ATF7: variants seen among roughly 807,000 people sequenced by gnomAD.
ATF7 encodes the protein activating transcription factor 7.
ATF7 carries 10 observed loss-of-function variants against 50.4 expected under a neutral mutation model. That is an observed-to-expected ratio of 0.20 (90% CI 0.12 to 0.34). ATF7 has a LOEUF of 0.34. Among genes scored for constraint, ATF7 ranks in the 10% least tolerant of loss-of-function variants. The probability of loss-of-function intolerance (pLI) is 1.00; values close to 1 mark genes in which losing one functional copy is unlikely to be tolerated. For synonymous variants in ATF7, 201 were observed against 226.4 expected, an observed-to-expected ratio of 0.89 and a Z score of 1.01; for missense variants, 465 against 613.9, an observed-to-expected ratio of 0.76 and a Z score of 2.56.
At chr12:53,582,763 G>T (rs1183836264) in intron 2 of ATF7, among the ~76,000 whole-genome samples, 1 of 151,918 alleles carries the variant, frequency 6.6e-6, no homozygotes, top group East Asian at 1.9e-4. Context: ...TATTAGCCGG[G>T]ATTAGTAGAG....
At position 53,575,407 on chromosome 12, in the gene ATF7, T is replaced by TAA. The variant is rs554041037; in HGVS notation, c.49-22772_49-22771dup. On this transcript the variant is annotated intron_variant, in intron 2 of 11. Transcript: ENST00000420353. ...GGGCAACAAGAGCAAAACTCTGTCTTAAAAAAAAAAAAAAAAAAAATTAGC... is the reference window on the plus strand; with the variant it reads ...GGGCAACAAGAGCAAAACTCTGTCTTAAAAAAAAAAAAAAAAAAAAAATTAGC... Among the ~76,000 whole-genome samples, 262 of 121,778 alleles carry TAA rather than the reference T, an allele frequency of 2.2e-3. 3 individuals carry two copies. The highest frequency in any genetic ancestry group is 7.0e-3 in the African/African-American group (228 of 32,490). The allele number at this position is 121,778 out of a possible 152,430, so 79.9% of individuals were successfully genotyped here.
chr12:53,588,295 G>A (rs994052528), intron 2 of ATF7, among the ~76,000 whole-genome samples: 7 of 152,186 alleles, frequency 4.6e-5, no homozygotes, highest in African/African-American at 1.7e-4. Flanking sequence ...AAAAGCAGAT[G>A]TGTAGAGGTG....
chr12:53,598,907 T>A lies in ATF7; in HGVS notation c.48+2046A>T, dbSNP rs531954397. ...TAATGGTAAGTATTAGAAAAATAAA[T>A]CTTTTCACCAAAAATGCCTATTTTT... On this transcript the variant is annotated intron_variant, in intron 2 of 11. Coordinates refer to ENST00000420353, the MANE Select transcript of ATF7 (RefSeq NM_006856.3). Among the ~76,000 whole-genome samples, 8 of 152,292 alleles carry A rather than the reference T, an allele frequency of 5.3e-5. No individual in the cohort carries two copies. In the East Asian group the frequency reaches 1.5e-3, roughly 29 times the overall value.
chr12:53,597,409 A>C (rs535580338), intron 2 of ATF7, among the ~76,000 whole-genome samples: 1 of 152,286 alleles, frequency 6.6e-6, no homozygotes, highest in East Asian at 1.9e-4. Flanking sequence ...ACCTTCCCTT[A>C]ATATTAAGGC....
chr12:53,591,249 CACGGCTAATA>C lies in ATF7; in HGVS notation c.48+9694_48+9703del, dbSNP rs113266436. 4.9e-3 allele frequency among the ~76,000 whole-genome samples: 739 copies of C among 151,968 alleles called. 5 individuals carry two copies. Among genetic ancestry groups the C allele is most frequent in the African/African-American group, 0.017 (711 of 41,438 alleles). ...ACTGGCGAATAATCCCCACCAGTAC[CACGGCTAATA>C]AGAGCCAAGATAAGCTGTATAAAAA... is the stretch of plus-strand genomic sequence containing the variant. On this transcript the variant is annotated intron_variant, in intron 2 of 11. Transcript: ENST00000420353.
intron 2 of ATF7, among the ~76,000 whole-genome samples, chr12:53,585,091 G>C (rs931845889): frequency 9.2e-5 from 14 of 152,068 alleles, no homozygotes; most frequent in African/African-American, 3.4e-4. Context: ...TCCCACCTCA[G>C]CCTCCTGAAT....
rs1412831555 is a variant in ATF7 at position 53,524,795 on chromosome 12, G to A, written c.928-34C>T. 1 of 1,522,038 alleles carries A rather than the reference G, an allele frequency of 6.6e-7. No homozygotes were observed. Among genetic ancestry groups the A allele is most frequent in the Non-Finnish European group, 8.9e-7 (1 of 1,129,396 alleles). The allele number at this position is 1,522,038 out of a possible 1,614,324, so 94.3% of individuals were successfully genotyped here. A position where few individuals can be genotyped will look rare whatever the true frequency, so the allele number is the denominator to read the frequency against. On this transcript the variant is annotated intron_variant, in intron 9 of 11. Coordinates refer to ENST00000420353, the MANE Select transcript of ATF7 (RefSeq NM_006856.3). The surrounding 1 kb of genome is among the most constrained non-coding windows in gnomAD (Gnocchi z 4.6). ...CAGGAAGGAAGAGAGGTTACTTGAT[G>A]GGAACATTAATCCTTTCCAAATCAC... is the stretch of plus-strand genomic sequence containing the variant.
At chr12:53,578,783 CAAAAAAAA>C (rs10718181) in intron 2 of ATF7, among the ~76,000 whole-genome samples, 1 of 106,676 alleles carries the variant, frequency 9.4e-6, no homozygotes, top group Admixed American at 1.0e-4. Flanking sequence ...GATGCTGTCT[CAAAAAAAA>C]AAAAAAAAAA....
chr12:53,594,911 A>G (rs1178101778), intron 2 of ATF7, among the ~76,000 whole-genome samples: 7 of 151,992 alleles, frequency 4.6e-5, no homozygotes, highest in African/African-American at 1.7e-4. Flanking sequence ...GAAAAAAAAA[A>G]ATCCCAGTCC....
intron 2 of ATF7, among the ~76,000 whole-genome samples, chr12:53,598,425 CT>C (rs1565586403): frequency 6.6e-6 from 1 of 152,182 alleles, no homozygotes; most frequent in Non-Finnish European, 1.5e-5. Flanking sequence ...CCACACTCAC[CT>C]TCCTACTGAG....
intron 8 of ATF7, among the ~76,000 whole-genome samples, chr12:53,532,115 T>C (rs1388750934): frequency 1.3e-5 from 2 of 152,238 alleles, no homozygotes; most frequent in East Asian, 1.9e-4. Flanking sequence ...CTGGGCACAG[T>C]TGGGGGCTGG....
intron 1 of ATF7, among the ~76,000 whole-genome samples, chr12:53,618,165 C>T (rs1328763142): frequency 6.6e-6 from 1 of 152,218 alleles, no homozygotes; most frequent in Non-Finnish European, 1.5e-5. Context: ...TCCATTCCCA[C>T]TGGGTCGACA....
chr12:53,582,080 G>T (rs1337283710), intron 2 of ATF7, among the ~76,000 whole-genome samples: 1 of 151,978 alleles, frequency 6.6e-6, no homozygotes, highest in Non-Finnish European at 1.5e-5. Flanking sequence ...TCTAGCCTGG[G>T]CAACAAAGTG....
Position 53,524,991 on chromosome 12 carries a change from A to C in ATF7, c.928-230T>G. On this transcript the variant is annotated intron_variant, in intron 9 of 11. Transcript: ENST00000420353. This position sits in a 1 kb window ranked among gnomAD's most constrained non-coding sequence, Gnocchi z 4.6. ...CTCATACTTAGACAAACTACAGTTCATTTGGAAACTCTGATTATTTATAAG... is the reference window on the plus strand; with the variant it reads ...CTCATACTTAGACAAACTACAGTTCCTTTGGAAACTCTGATTATTTATAAG... 1 of 459,456 alleles carries C rather than the reference A, an allele frequency of 2.2e-6. No homozygotes were observed. 28.5% of individuals were successfully genotyped at this position (459,456 alleles called of 1,614,324 possible).
Position 53,524,219 on chromosome 12 carries a change from A to G in ATF7, c.1125+345T>C, listed in dbSNP as rs892529908. ...CACTTTTTTCTTTCTCTCTTTTATTAAGCTGCATTATCTAGGGCAAACACA... is the reference window on the plus strand; with the variant it reads ...CACTTTTTTCTTTCTCTCTTTTATTGAGCTGCATTATCTAGGGCAAACACA... On this transcript the variant is annotated intron_variant, in intron 10 of 11. Coordinates refer to ENST00000420353, the MANE Select transcript of ATF7 (RefSeq NM_006856.3). This position sits in a 1 kb window ranked among gnomAD's most constrained non-coding sequence, Gnocchi z 4.6. Among the ~76,000 whole-genome samples, 5 of 152,196 alleles carry G rather than the reference A, an allele frequency of 3.3e-5. No homozygotes were observed. Among genetic ancestry groups the G allele is most frequent in the South Asian group, 2.1e-4 (1 of 4,830 alleles).
intron 2 of ATF7, among the ~76,000 whole-genome samples, chr12:53,565,627 G>A (rs796836637): frequency 6.6e-6 from 1 of 151,884 alleles, no homozygotes; most frequent in Non-Finnish European, 1.5e-5. Context: ...TGAGTAGCTG[G>A]GATTACAGGT....
intron 1 of ATF7, among the ~76,000 whole-genome samples, chr12:53,606,872 G>A (rs1943632526): frequency 6.6e-6 from 1 of 151,822 alleles, no homozygotes; most frequent in African/African-American, 2.4e-5. Context: ...TTTCATCCAT[G>A]TCCCTACAAA....
chr12:53,534,450 G>T, intron 6 of ATF7, 52 bp downstream of exon 6: 2 of 1,604,036 alleles, frequency 1.2e-6, no homozygotes, highest in East Asian at 4.5e-5. Flanking sequence ...ATAGTTTCAT[G>T]TAATGGAAAG....
At chr12:53,578,634 A>C (rs1038790316) in intron 2 of ATF7, among the ~76,000 whole-genome samples, 1 of 151,830 alleles carries the variant, frequency 6.6e-6, no homozygotes, top group Non-Finnish European at 1.5e-5. Context: ...ATAAAAATAA[A>C]TTAGCTGGGC....
Sources: gnomAD v4.1 joint callset for allele counts (sites outside exome capture counted in the v4.1 genomes callset) on GRCh38, gnomAD v4.1.1 for gene constraint, Gnocchi (gnomAD v3.1) non-coding constraint, MANE v1.5 for transcripts, NCBI Gene and HGNC (gene_info 2026-07-23, HGNC 2026-07-21) for gene names.